VKORC1L1: variants seen among roughly 807,000 people sequenced by gnomAD.
VKORC1L1 encodes the protein vitamin K epoxide reductase complex subunit 1-like protein 1.
A neutral mutation model predicts 18.9 loss-of-function variants in VKORC1L1; 2 were observed. The ratio of observed to expected loss-of-function variants is 0.11; its 90% confidence interval spans 0.04 to 0.33. The LOEUF (loss-of-function observed/expected upper bound fraction) is 0.33, where lower values mean the gene tolerates loss of function less well. Ranked by LOEUF, VKORC1L1 falls within the 10% of genes least tolerant of loss-of-function variation. The pLI, the probability that VKORC1L1 is intolerant of heterozygous loss-of-function variation, is 1.00. For synonymous variants in VKORC1L1, 96 were observed against 100.0 expected, an observed-to-expected ratio of 0.96 and a Z score of 0.24; for missense variants, 123 against 224.1, an observed-to-expected ratio of 0.55 and a Z score of 2.88.
At chr7:65,874,395 A>C (rs1788790036) in intron 1 of VKORC1L1, among the ~76,000 whole-genome samples, 1 of 151,898 alleles carries the variant, frequency 6.6e-6, no homozygotes, top group Non-Finnish European at 1.5e-5. Flanking sequence ...ATTCGAGACC[A>C]GCATATTGGT....
intron 1 of VKORC1L1, among the ~76,000 whole-genome samples, chr7:65,921,025 A>C (rs1364718801): frequency 6.6e-6 from 1 of 152,080 alleles, no homozygotes; most frequent in African/African-American, 2.4e-5. Flanking sequence ...CCTTTTTCAT[A>C]GACTGCTTCT....
intron 1 of VKORC1L1, among the ~76,000 whole-genome samples, chr7:65,901,908 A>G (rs1789324500): frequency 2.0e-5 from 3 of 152,162 alleles, no homozygotes; most frequent in African/African-American, 7.2e-5. Flanking sequence ...CATTAGCCAG[A>G]GTATATACAA....
chr7:65,952,484 C>A (rs553980559), intron 2 of VKORC1L1, among the ~76,000 whole-genome samples: 4 of 151,960 alleles, frequency 2.6e-5, no homozygotes, highest in Non-Finnish European at 5.9e-5. Flanking sequence ...CATCTAGGCC[C>A]GTGGCTGTGC....
Position 65,873,515 on chromosome 7 carries a change from C to G in VKORC1L1, c.144C>G (p.Ala48=). ...AGGAGCGGGACCCCGAGCACCGGGC[C>G]CTCTGCGACCTGGGGCCCTGGGTGA... ...REKERDPEHR[A]LCDLGPWVKC... is the part of the protein sequence containing the mutation. Residue 48 remains alanine, a synonymous_variant, in exon 1 of 3, where the codon GCC becomes GCG. Coordinates refer to ENST00000360768, the MANE Select transcript of VKORC1L1 (RefSeq NM_173517.6). 1 of 1,590,370 alleles carries G rather than the reference C, an allele frequency of 6.3e-7. No individual in the cohort carries two copies. Among genetic ancestry groups the G allele is most frequent in the East Asian group, 2.3e-5 (1 of 43,382 alleles).
intron 2 of VKORC1L1, among the ~76,000 whole-genome samples, chr7:65,952,670 T>A (rs1323955471): frequency 1.3e-5 from 2 of 152,012 alleles, no homozygotes; most frequent in African/African-American, 4.8e-5. Flanking sequence ...TGCTCTGCCT[T>A]CTCTGTCCTT....
At chr7:65,892,434 A>G (rs1376738830) in intron 1 of VKORC1L1, among the ~76,000 whole-genome samples, 1 of 152,212 alleles carries the variant, frequency 6.6e-6, no homozygotes, top group Non-Finnish European at 1.5e-5. Context: ...CATCCTCACC[A>G]TCATCTCATC....
chr7:65,953,474 G>A lies in VKORC1L1; in HGVS notation c.305-600G>A, dbSNP rs1248003473. ...TTGGGGCTGTTGATGTTACAAGTCA[G>A]CTTCATTGCTTAATGTGATTGTGAG... On this transcript the variant is annotated intron_variant, in intron 2 of 2. Coordinates refer to ENST00000360768, the MANE Select transcript of VKORC1L1 (RefSeq NM_173517.6). Among the ~76,000 whole-genome samples, 10 of 152,324 alleles carry A rather than the reference G, an allele frequency of 6.6e-5. No homozygotes were observed. The East Asian group carries it at 1.9e-3, about 29-fold the overall frequency.
intron 1 of VKORC1L1, among the ~76,000 whole-genome samples, chr7:65,903,792 A>C (rs80288747): frequency 7.5e-6 from 1 of 132,724 alleles, no homozygotes; most frequent in Non-Finnish European, 1.6e-5. Flanking sequence ...AAAAAAAAAA[A>C]GGCCTACTGG....
intron 1 of VKORC1L1, among the ~76,000 whole-genome samples, chr7:65,915,741 C>T (rs1047834353): frequency 2.0e-5 from 3 of 150,920 alleles, no homozygotes; most frequent in African/African-American, 7.3e-5. Flanking sequence ...ATGCCTAAAT[C>T]AACACCTAAT....
intron 1 of VKORC1L1, among the ~76,000 whole-genome samples, chr7:65,909,533 T>G (rs1789464526): frequency 6.6e-6 from 1 of 152,168 alleles, no homozygotes; most frequent in South Asian, 2.1e-4. Flanking sequence ...TAAATTATCT[T>G]TAGGTGAAGG....
intron 1 of VKORC1L1, among the ~76,000 whole-genome samples, chr7:65,873,866 C>T (rs1216970850): frequency 6.6e-6 from 1 of 151,988 alleles, no homozygotes; most frequent in African/African-American, 2.4e-5. Context: ...CGGGCTGGGG[C>T]CCGGCTGTGC....
At chr7:65,935,207 G>A (rs955211250) in intron 1 of VKORC1L1, among the ~76,000 whole-genome samples, 1 of 151,956 alleles carries the variant, frequency 6.6e-6, no homozygotes, top group Non-Finnish European at 1.5e-5. Flanking sequence ...TTATTTTCTT[G>A]CTTCTGGAAG....
chr7:65,926,706 G>A (rs1789771061), intron 1 of VKORC1L1, among the ~76,000 whole-genome samples: 1 of 152,154 alleles, frequency 6.6e-6, no homozygotes, highest in African/African-American at 2.4e-5. Flanking sequence ...AAGCCTAAGT[G>A]CCCACTGGAC....
chr7:65,905,782 C>T (rs1208740394), intron 1 of VKORC1L1, among the ~76,000 whole-genome samples: 2 of 152,010 alleles, frequency 1.3e-5, no homozygotes, highest in Admixed American at 1.3e-4. Context: ...TAACCTTATG[C>T]TTGGTCCACG....
At chr7:65,937,807 C>T (rs1789968309) in intron 1 of VKORC1L1, among the ~76,000 whole-genome samples, 1 of 152,114 alleles carries the variant, frequency 6.6e-6, no homozygotes, top group African/African-American at 2.4e-5. Context: ...GAGAGACAGA[C>T]ACATATGGAT....
chr7:65,896,826 CTG>C lies in VKORC1L1; in HGVS notation c.194+23263_194+23264del, dbSNP rs559396055. On this transcript the variant is annotated intron_variant, in intron 1 of 2. Coordinates refer to ENST00000360768, the MANE Select transcript of VKORC1L1 (RefSeq NM_173517.6). ...GACCAGCCTGGCCAACAAGGTGAAA[CTG>C]TCTCTATTAAAAATACAAAAATTAG... Among the ~76,000 whole-genome samples, 347 of 152,164 alleles carry C rather than the reference CTG, an allele frequency of 2.3e-3. 2 individuals carry two copies. Among genetic ancestry groups the C allele is most frequent in the Admixed American group, 0.021 (317 of 15,276 alleles).
At chr7:65,902,138 G>A (rs1446474115) in intron 1 of VKORC1L1, among the ~76,000 whole-genome samples, 3 of 152,096 alleles carry the variant, frequency 2.0e-5, no homozygotes, top group Non-Finnish European at 4.4e-5. Context: ...AAAATGACCA[G>A]GCATGCAAAG....
chr7:65,914,007 T>C (rs1254740082), intron 1 of VKORC1L1, among the ~76,000 whole-genome samples: 1 of 152,084 alleles, frequency 6.6e-6, no homozygotes, highest in Non-Finnish European at 1.5e-5. Context: ...CACCTTAGAC[T>C]CCAACCCTTA....
chr7:65,867,151 C>T, the VKORC1L1 span, among the ~76,000 whole-genome samples: 38 of 152,020 alleles, frequency 2.5e-4, no homozygotes, highest in Middle Eastern at 3.4e-3. Flanking sequence ...TGTGCCACTG[C>T]GCTCCAGCCT....
Sources: allele counts gnomAD v4.1 joint callset (sites outside exome capture counted in the v4.1 genomes callset), GRCh38; gene constraint gnomAD v4.1.1; transcripts MANE v1.5; gene names NCBI Gene and HGNC (gene_info 2026-07-23, HGNC 2026-07-21).